FSTL4: variants seen among roughly 807,000 people sequenced by gnomAD.
The protein encoded by FSTL4 is follistatin-related protein 4.
In FSTL4, 28 loss-of-function variants were observed where a neutral mutation model predicts 78.2. The ratio of observed to expected loss-of-function variants is 0.36; its 90% CI spans 0.27 to 0.49. FSTL4 has a LOEUF of 0.49. Ranked by LOEUF, FSTL4 falls within the 20% of genes least tolerant of loss-of-function variation. FSTL4 has a pLI of 0.98. For missense variants in FSTL4, 922 were observed against 1,084.9 expected, an observed-to-expected ratio of 0.85 and a Z score of 2.11; for synonymous variants, 422 against 440.5, an observed-to-expected ratio of 0.96 and a Z score of 0.53.
intron 3 of FSTL4, among the ~76,000 whole-genome samples, chr5:133,404,809 C>T (rs972023243): frequency 4.6e-5 from 7 of 152,186 alleles, no homozygotes; most frequent in South Asian, 4.1e-4. Context: ...GAAGCCCCTC[C>T]GTTGTTCTCC....
intron 6 of FSTL4, among the ~76,000 whole-genome samples, chr5:133,284,154 T>C (rs1193378632): frequency 1.3e-5 from 2 of 152,150 alleles, no homozygotes; most frequent in South Asian, 2.1e-4. Flanking sequence ...GAAGGCAAGA[T>C]GTTATCTCCA....
chr5:133,402,913 T>G (rs1756268707), intron 3 of FSTL4, among the ~76,000 whole-genome samples: 1 of 152,226 alleles, frequency 6.6e-6, no homozygotes, highest in South Asian at 2.1e-4. Flanking sequence ...CACGCCTTCC[T>G]GTCAAGGTTG....
the FSTL4 span, among the ~76,000 whole-genome samples, chr5:133,752,027 G>A: frequency 4.6e-5 from 7 of 152,180 alleles, no homozygotes; most frequent in Non-Finnish European, 1.0e-4. Flanking sequence ...GGCAGGAATC[G>A]TGCAAGCCCC....
chr5:133,817,182 T>C, the FSTL4 span, among the ~76,000 whole-genome samples: 1 of 152,266 alleles, frequency 6.6e-6, no homozygotes, highest in African/African-American at 2.4e-5. Flanking sequence ...GCGACAGCCC[T>C]GCGAAGCTGA....
the FSTL4 span, among the ~76,000 whole-genome samples, chr5:133,819,827 G>A: frequency 2.0e-4 from 30 of 152,262 alleles, no homozygotes. Flanking sequence ...ACTGCTCCTG[G>A]CCAGCACCTC....
At chr5:133,284,500 T>A (rs1279102172) in intron 6 of FSTL4, among the ~76,000 whole-genome samples, 2 of 152,224 alleles carry the variant, frequency 1.3e-5, no homozygotes, top group South Asian at 4.1e-4. Context: ...CCTGCTGATG[T>A]GAGCAGTGCC....
At chr5:133,841,001 C>T in the FSTL4 span, among the ~76,000 whole-genome samples, 3 of 152,246 alleles carry the variant, frequency 2.0e-5, no homozygotes, top group African/African-American at 4.8e-5. Flanking sequence ...GCCCACAAGG[C>T]GGCAATGTCT....
chr5:133,814,352 G>A, the FSTL4 span, among the ~76,000 whole-genome samples: 3 of 152,210 alleles, frequency 2.0e-5, no homozygotes, highest in Non-Finnish European at 4.4e-5. Context: ...TAACAAGCAC[G>A]TTCCTGTCTT....
chr5:133,775,261 T>C, the FSTL4 span, among the ~76,000 whole-genome samples: 1 of 152,356 alleles, frequency 6.6e-6, no homozygotes, highest in East Asian at 1.9e-4. Context: ...CAAGCCTGAA[T>C]AGGGAAATTA....
intron 3 of FSTL4, among the ~76,000 whole-genome samples, chr5:133,483,543 A>G (rs1257572329): frequency 6.6e-6 from 1 of 152,148 alleles, no homozygotes; most frequent in Non-Finnish European, 1.5e-5. Context: ...GCTAGTTATC[A>G]TCTATTCTTT....
the FSTL4 span, among the ~76,000 whole-genome samples, chr5:133,627,547 T>C: frequency 2.6e-5 from 4 of 152,212 alleles, no homozygotes; most frequent in Non-Finnish European, 5.9e-5. Flanking sequence ...CCATATCATC[T>C]ATATGATCTG....
chr5:133,700,451 A>G, the FSTL4 span, among the ~76,000 whole-genome samples: 1 of 152,066 alleles, frequency 6.6e-6, no homozygotes, highest in South Asian at 2.1e-4. Flanking sequence ...ACACCAAACC[A>G]TCACACCAAG....
chr5:133,271,521 T>G (rs1417241898), intron 6 of FSTL4, among the ~76,000 whole-genome samples: 1 of 152,150 alleles, frequency 6.6e-6, no homozygotes, highest in Non-Finnish European at 1.5e-5. Flanking sequence ...TGGCTAGCCT[T>G]TCCTGCCCCC....
chr5:133,439,013 G>T (rs1372189405), intron 3 of FSTL4, among the ~76,000 whole-genome samples: 3 of 152,254 alleles, frequency 2.0e-5, no homozygotes, highest in Admixed American at 2.0e-4. Context: ...TACCTGTGAA[G>T]TCACATTGTC....
chr5:133,745,789 GC>G, the FSTL4 span, among the ~76,000 whole-genome samples: 1 of 152,228 alleles, frequency 6.6e-6, no homozygotes, highest in Non-Finnish European at 1.5e-5. Context: ...AATAGGTACA[GC>G]CCATTTCTGA....
chr5:133,384,835 G>A (rs1352278765), intron 4 of FSTL4, among the ~76,000 whole-genome samples: 1 of 152,156 alleles, frequency 6.6e-6, no homozygotes, highest in Non-Finnish European at 1.5e-5. Context: ...TCCTTTCCAG[G>A]CTTGCCCTTG....
At chr5:133,403,123 A>G (rs1483270090) in intron 3 of FSTL4, among the ~76,000 whole-genome samples, 3 of 152,230 alleles carry the variant, frequency 2.0e-5, no homozygotes, top group African/African-American at 4.8e-5. Context: ...AGCTCTGAAA[A>G]TATCAGCCTT....
At chr5:133,803,359 G>A in the FSTL4 span, among the ~76,000 whole-genome samples, 2 of 152,168 alleles carry the variant, frequency 1.3e-5, no homozygotes, top group Non-Finnish European at 2.9e-5. Context: ...TGTAAGAGCT[G>A]GCCAGGCAAC....
the FSTL4 span, among the ~76,000 whole-genome samples, chr5:133,784,810 A>C: frequency 6.6e-6 from 1 of 152,064 alleles, no homozygotes; most frequent in Non-Finnish European, 1.5e-5. Flanking sequence ...CTAGATATTC[A>C]TATGGTCCTG....
Sources: gnomAD v4.1 joint callset for allele counts (sites outside exome capture counted in the v4.1 genomes callset) on GRCh38, gnomAD v4.1.1 for gene constraint, MANE v1.5 for transcripts, NCBI Gene and HGNC (gene_info 2026-07-23, HGNC 2026-07-21) for gene names.